The following EFR3A variants were observed in gnomAD, a reference collection of about 807,000 sequenced individuals.
EFR3A encodes EFR3 homolog A, also known as protein EFR3 homolog A.
EFR3A carries 76 observed loss-of-function variants against 104.4 expected under a neutral mutation model. That is an observed-to-expected ratio of 0.73 (90% CI 0.60 to 0.88). The LOEUF (loss-of-function observed/expected upper bound fraction) is 0.88. EFR3A is among the 40% of genes least tolerant of loss of function. The probability of loss-of-function intolerance (pLI) is 0.00; values close to 1 mark genes in which losing one functional copy is unlikely to be tolerated. For missense variants in EFR3A, 985 were observed against 1,012.5 expected (o/e 0.97, Z 0.37); for synonymous variants, 330 against 330.0 (o/e 1.00, Z 0.00).
intron 9 of EFR3A, 143 bp from the exon 10 acceptor site, chr8:131,970,333 A>C: frequency 1.2e-6 from 1 of 800,738 alleles, no homozygotes. Context: ...CTCTTTTTTA[A>C]AAAAATGAAA....
rs534654241 is a variant in EFR3A at position 131,911,084 on chromosome 8, G to A, written c.10+6762G>A. Reference sequence around the variant, plus strand: ...ATGATTATTCTTCCCCAGAAATGCAGATTCTCACCCAAAGTTTTGCATGTA... The same window carrying A: ...ATGATTATTCTTCCCCAGAAATGCAAATTCTCACCCAAAGTTTTGCATGTA... On this transcript the variant is annotated intron_variant, in intron 1 of 22. Transcript: ENST00000254624. 2.3e-4 allele frequency among the ~76,000 whole-genome samples: 35 copies of A among 152,218 alleles called. No individual in the cohort carries two copies. In the South Asian group the frequency reaches 7.1e-3, roughly 31 times the overall value.
At chr8:131,998,652 C>A (rs1374197516) in intron 19 of EFR3A, among the ~76,000 whole-genome samples, 2 of 151,902 alleles carry the variant, frequency 1.3e-5, no homozygotes, top group Non-Finnish European at 2.9e-5. Flanking sequence ...ATTATTTCTT[C>A]TAAATAATGC....
intron 10 of EFR3A, among the ~76,000 whole-genome samples, chr8:131,973,248 G>C (rs1252616301): frequency 6.6e-6 from 1 of 151,718 alleles, no homozygotes; most frequent in South Asian, 2.1e-4. Context: ...AAGACAGTTA[G>C]TATTAATATA....
At chr8:131,926,452 T>A (rs999383075) in intron 1 of EFR3A, among the ~76,000 whole-genome samples, 2 of 152,148 alleles carry the variant, frequency 1.3e-5, no homozygotes, top group African/African-American at 4.8e-5. Flanking sequence ...TCTTATTTCG[T>A]GTGGTCAAAG....
intron 1 of EFR3A, among the ~76,000 whole-genome samples, chr8:131,914,881 C>T (rs1465428067): frequency 3.9e-5 from 6 of 152,278 alleles, no homozygotes; most frequent in East Asian, 3.9e-4. Context: ...CATCATTTGG[C>T]TCCCACTTAT....
intron 18 of EFR3A, among the ~76,000 whole-genome samples, chr8:131,994,992 C>T (rs868438251): frequency 2.0e-5 from 3 of 152,078 alleles, no homozygotes; most frequent in Non-Finnish European, 1.5e-5. Context: ...TCATTGTCAC[C>T]CTTTCTGAAT....
chr8:132,013,067 C>G lies in EFR3A; in HGVS notation c.*2172C>G, dbSNP rs1447358519. 6.6e-6 allele frequency: 1 copy of G among 152,156 alleles called. No individual in the cohort carries two copies. Among genetic ancestry groups the G allele is most frequent in the African/African-American group, 2.4e-5 (1 of 41,422 alleles). 9.4% of individuals were successfully genotyped at this position (152,156 alleles called of 1,614,324 possible). ...GACTCTCCCATATCTGCAAGAGATT[C>G]TGCAGGAACTGGGTGTGCACACGGT... On this transcript the variant is annotated 3_prime_UTR_variant, in exon 23 of 23. Transcript: ENST00000254624.
At chr8:131,905,293 T>C (rs1268738216) in intron 1 of EFR3A, among the ~76,000 whole-genome samples, 3 of 152,222 alleles carry the variant, frequency 2.0e-5, no homozygotes, top group African/African-American at 7.2e-5. Flanking sequence ...CTTCTAGTTG[T>C]CCTTGTTTTG....
chr8:132,002,024 A>T (rs1420601779), intron 20 of EFR3A, among the ~76,000 whole-genome samples: 4 of 152,236 alleles, frequency 2.6e-5, no homozygotes, highest in African/African-American at 9.6e-5. Context: ...AGACACAATT[A>T]TGGCAGTGAT....
intron 1 of EFR3A, among the ~76,000 whole-genome samples, chr8:131,916,324 G>T (rs1304059547): frequency 6.6e-6 from 1 of 152,144 alleles, no homozygotes; most frequent in East Asian, 1.9e-4. Context: ...CACTTTTGAG[G>T]AAATACAATT....
At chr8:131,921,719 G>A (rs1048419424) in intron 1 of EFR3A, among the ~76,000 whole-genome samples, 1 of 152,056 alleles carries the variant, frequency 6.6e-6, no homozygotes, top group African/African-American at 2.4e-5. Flanking sequence ...TTATTTCCTT[G>A]TCTTAGTTAT....
At chr8:131,913,256 C>G (rs909577510) in intron 1 of EFR3A, among the ~76,000 whole-genome samples, 1 of 150,594 alleles carries the variant, frequency 6.6e-6, no homozygotes, top group Admixed American at 6.6e-5. Context: ...TCAAAATTCT[C>G]TCATCATGTG....
chr8:131,986,164 AT>A, intron 16 of EFR3A, 29 bp from the exon 17 acceptor site: 1 of 1,371,062 alleles, frequency 7.3e-7, no homozygotes, highest in Non-Finnish European at 1.0e-6. Flanking sequence ...AGGGTTTTTG[AT>A]TTTTGTTCTG....
intron 2 of EFR3A, among the ~76,000 whole-genome samples, chr8:131,940,955 A>G (rs1486901713): frequency 2.0e-5 from 3 of 152,138 alleles, no homozygotes; most frequent in East Asian, 1.9e-4. Context: ...CATTATGCAC[A>G]TATATAAGTA....
At chr8:131,912,909 A>G (rs956830805) in intron 1 of EFR3A, among the ~76,000 whole-genome samples, 2 of 151,960 alleles carry the variant, frequency 1.3e-5, no homozygotes, top group African/African-American at 4.8e-5. Context: ...AAAATCTGTG[A>G]ACGACTTTGA....
At chr8:131,926,863 T>G (rs1262300380) in intron 1 of EFR3A, among the ~76,000 whole-genome samples, 1 of 152,194 alleles carries the variant, frequency 6.6e-6, no homozygotes, top group Non-Finnish European at 1.5e-5. Context: ...CATTTTTTAT[T>G]ATAGCATTTT....
chr8:131,916,334 T>C (rs57053768), intron 1 of EFR3A, among the ~76,000 whole-genome samples: 20 of 152,248 alleles, frequency 1.3e-4, no homozygotes, highest in African/African-American at 4.3e-4. Flanking sequence ...GAAATACAAT[T>C]GATAGGATTA....
chr8:131,912,320 A>G (rs1563807721), intron 1 of EFR3A, among the ~76,000 whole-genome samples: 1 of 152,200 alleles, frequency 6.6e-6, no homozygotes, highest in African/African-American at 2.4e-5. Flanking sequence ...GGCTAACAGT[A>G]TGAAGAAAGA....
At chr8:131,961,498 A>G (rs960272171) in intron 8 of EFR3A, among the ~76,000 whole-genome samples, 3 of 152,202 alleles carry the variant, frequency 2.0e-5, no homozygotes, top group Admixed American at 2.0e-4. Context: ...AAGCGAGAAG[A>G]GAAGTTTAGA....
Sources: allele counts gnomAD v4.1 joint callset (sites outside exome capture counted in the v4.1 genomes callset), GRCh38; gene constraint gnomAD v4.1.1; transcripts MANE v1.5; gene names NCBI Gene and HGNC (gene_info 2026-07-23, HGNC 2026-07-21).